CD38: variants seen among roughly 807,000 people sequenced by gnomAD.
CD38 encodes the protein ADP-ribosyl cyclase/cyclic ADP-ribose hydrolase 1.
A neutral mutation model predicts 36.3 loss-of-function variants in CD38; 31 were observed. The ratio of observed to expected loss-of-function variants is 0.85; its 90% CI spans 0.64 to 1.15. CD38 has a LOEUF of 1.15. CD38 is among the 50% of genes most tolerant of loss of function. The probability of loss-of-function intolerance (pLI) is 0.00; values close to 1 mark genes in which losing one functional copy is unlikely to be tolerated. For synonymous variants in CD38, 131 were observed against 135.2 expected, an observed-to-expected ratio of 0.97 and a Z score of 0.22; for missense variants, 380 against 371.9, an observed-to-expected ratio of 1.02 and a Z score of -0.18.
At chr4:15,813,256 T>TAATAGATGA (rs1262859939) in intron 1 of CD38, among the ~76,000 whole-genome samples, 5 of 152,188 alleles carry the variant, frequency 3.3e-5, no homozygotes, top group Non-Finnish European at 7.3e-5. Flanking sequence ...CTGTGGGGTT[T>TAATAGATGA]AATAGATGAA....
intron 3 of CD38, among the ~76,000 whole-genome samples, chr4:15,833,929 C>T (rs1396909434): frequency 6.6e-6 from 1 of 152,182 alleles, no homozygotes; most frequent in Non-Finnish European, 1.5e-5. Flanking sequence ...TGGGGATAAT[C>T]CTAGAGGGCT....
intron 1 of CD38, among the ~76,000 whole-genome samples, chr4:15,782,469 A>G (rs1410415651): frequency 1.3e-5 from 2 of 152,226 alleles, no homozygotes; most frequent in Non-Finnish European, 2.9e-5. Context: ...AATCTAATAC[A>G]TGCCTCCTGG....
chr4:15,829,393 T>TAAA (rs1723915837), intron 3 of CD38, among the ~76,000 whole-genome samples: 1 of 152,206 alleles, frequency 6.6e-6, no homozygotes, highest in Non-Finnish European at 1.5e-5. Context: ...TTTTAGTTAT[T>TAAA]TTAAAACAGG....
At chr4:15,790,793 A>C (rs1577635911) in intron 1 of CD38, among the ~76,000 whole-genome samples, 5 of 120,294 alleles carry the variant, frequency 4.2e-5, no homozygotes, top group Non-Finnish European at 6.9e-5. Flanking sequence ...CCGGCCGCCC[A>C]TCGTCTGAGA....
At chr4:15,831,994 G>T (rs1422831704) in intron 3 of CD38, among the ~76,000 whole-genome samples, 2 of 150,836 alleles carry the variant, frequency 1.3e-5, no homozygotes, top group Admixed American at 6.6e-5. Flanking sequence ...TTTTTCTTTT[G>T]TCTCCTCTGA....
chr4:15,786,253 T>C (rs765756841), intron 1 of CD38, among the ~76,000 whole-genome samples: 14 of 152,238 alleles, frequency 9.2e-5, no homozygotes, highest in Non-Finnish European at 1.5e-4. Flanking sequence ...TATTCCCTTA[T>C]CTGGCCCCAC....
At chr4:15,832,261 G>A (rs930926578) in intron 3 of CD38, among the ~76,000 whole-genome samples, 3 of 152,128 alleles carry the variant, frequency 2.0e-5, no homozygotes, top group African/African-American at 4.8e-5. Context: ...CTTCAGGATT[G>A]ATCTCTGATG....
At chr4:15,782,395 T>C (rs1722718939) in intron 1 of CD38, among the ~76,000 whole-genome samples, 1 of 152,238 alleles carries the variant, frequency 6.6e-6, no homozygotes, top group Non-Finnish European at 1.5e-5. Context: ...CTTCTGGTCT[T>C]TCTTTTGTCC....
intron 2 of CD38, among the ~76,000 whole-genome samples, chr4:15,819,197 TA>T (rs1453687708): frequency 6.6e-6 from 1 of 152,060 alleles, no homozygotes; most frequent in African/African-American, 2.4e-5. Flanking sequence ...GGGTGGGTGC[TA>T]GGGGAGGATA....
At chr4:15,839,964 G>C (rs1472573520) in intron 5 of CD38, 62 bp from the exon 6 acceptor site, 11 of 1,079,448 alleles carry the variant, frequency 1.0e-5, no homozygotes, top group Non-Finnish European at 1.4e-5. Context: ...TGGTTGTTGA[G>C]GGGGGTGTGG....
At chr4:15,787,918 G>GA (rs1264446149) in intron 1 of CD38, among the ~76,000 whole-genome samples, 1 of 152,240 alleles carries the variant, frequency 6.6e-6, no homozygotes, top group Non-Finnish European at 1.5e-5. Context: ...AGAGGATGAT[G>GA]AAAGGTTGGT....
intron 4 of CD38, among the ~76,000 whole-genome samples, chr4:15,834,630 T>C (rs1415616124): frequency 1.3e-5 from 2 of 152,184 alleles, no homozygotes; most frequent in East Asian, 3.8e-4. Flanking sequence ...CGTAACAATC[T>C]ACATGTATAG....
At chr4:15,779,948 C>T (rs2148912068) in intron 1 of CD38, among the ~76,000 whole-genome samples, 1 of 152,284 alleles carries the variant, frequency 6.6e-6, no homozygotes, top group East Asian at 1.9e-4. Flanking sequence ...TCCAATTTTT[C>T]AATCCCATTC....
In CD38 at chr4:15,816,625, C is replaced by G; in HGVS notation, c.348C>G (p.Thr116=). ...YQPLMKLGTQ[T]VPCNKILLWS... ...CACTAATGAAGTTGGGAACTCAGAC[C>G]GTACCTTGCAACAAGGTAATTGGGG... The change falls in exon 2 of 8, where the codon ACC becomes ACG. Residue 116 remains threonine (T), a synonymous_variant. Transcript: ENST00000226279. 1 of 1,613,716 alleles carries G rather than the reference C, an allele frequency of 6.2e-7. No individual in the cohort carries two copies. Among genetic ancestry groups the G allele is most frequent in the Non-Finnish European group, 8.5e-7 (1 of 1,179,776 alleles).
At position 15,778,728 on chromosome 4, in the gene CD38, C is replaced by G; in HGVS notation, c.233+81C>G. The G allele has an allele frequency of 1.0e-6, 1 of 992,654 alleles. No homozygotes were observed. Among genetic ancestry groups the G allele is most frequent in the South Asian group, 1.4e-5 (1 of 69,260 alleles). 61.5% of individuals were successfully genotyped at this position (992,654 alleles called of 1,614,324 possible). On this transcript the variant is annotated intron_variant, in intron 1 of 7. Coordinates refer to ENST00000226279, the MANE Select transcript of CD38 (RefSeq NM_001775.4). This position sits in a 1 kb window ranked among gnomAD's most constrained non-coding sequence, Gnocchi z 4.9. ...GCGCAGGGAAGCCGCCCGGATCGCCCGGAACCGGGCATCTTCCGTGGCGGG... is the reference window on the plus strand; with the variant it reads ...GCGCAGGGAAGCCGCCCGGATCGCCGGGAACCGGGCATCTTCCGTGGCGGG...
At chr4:15,819,229 C>T (rs1034054359) in intron 2 of CD38, among the ~76,000 whole-genome samples, 8 of 152,062 alleles carry the variant, frequency 5.3e-5, no homozygotes, top group East Asian at 3.9e-4. Context: ...AAATACCTAA[C>T]GTAGGTGACG....
intron 1 of CD38, among the ~76,000 whole-genome samples, chr4:15,815,367 C>CA (rs1473420141): frequency 2.6e-5 from 4 of 152,084 alleles, no homozygotes; most frequent in African/African-American, 4.8e-5. Flanking sequence ...GCAATATGGC[C>CA]ATTTTCACAA....
At chr4:15,811,922 C>T (rs1173648610) in intron 1 of CD38, among the ~76,000 whole-genome samples, 1 of 152,174 alleles carries the variant, frequency 6.6e-6, no homozygotes, top group African/African-American at 2.4e-5. Context: ...CATGCCTGGG[C>T]TCAGGTTTCT....
At chr4:15,791,664 G>A (rs1163385873) in intron 1 of CD38, among the ~76,000 whole-genome samples, 7 of 96,812 alleles carry the variant, frequency 7.2e-5, no homozygotes, top group Non-Finnish European at 1.2e-4. Flanking sequence ...CGCCCCGTCC[G>A]GGAGGGAGGT....
Sources: gnomAD v4.1 joint callset for allele counts (sites outside exome capture counted in the v4.1 genomes callset) on GRCh38, gnomAD v4.1.1 for gene constraint, Gnocchi (gnomAD v3.1) non-coding constraint, MANE v1.5 for transcripts, NCBI Gene and HGNC (gene_info 2026-07-23, HGNC 2026-07-21) for gene names.